Variants in ATG7 observed in about 807,000 individuals in gnomAD.
ATG7 encodes ubiquitin-like modifier-activating enzyme ATG7.
In ATG7, 70 loss-of-function variants were observed where a neutral mutation model predicts 82.4. That is an observed-to-expected ratio of 0.85 (90% CI 0.70 to 1.04). The LOEUF is 1.04. Among genes scored for constraint, ATG7 ranks in the 50% least tolerant of loss-of-function variants. ATG7 has a pLI of 0.00. For synonymous variants in ATG7, 287 were observed against 313.0 expected (o/e 0.92, Z 0.88); for missense variants, 792 against 864.3 (o/e 0.92, Z 1.05).
chr3:11,377,919 G>C (rs2077543720), intron 18 of ATG7, among the ~76,000 whole-genome samples: 1 of 151,854 alleles, frequency 6.6e-6, no homozygotes, highest in Admixed American at 6.6e-5. Context: ...TTATGCCTCA[G>C]GTCATGGATT....
intron 19 of ATG7, among the ~76,000 whole-genome samples, chr3:11,402,184 G>A (rs1387352769): frequency 6.6e-6 from 1 of 152,182 alleles, no homozygotes; most frequent in Non-Finnish European, 1.5e-5. Flanking sequence ...TGTAATCTCA[G>A]CATTTGGGAG....
At chr3:11,311,521 G>A (rs1222675164) in intron 7 of ATG7, among the ~76,000 whole-genome samples, 1 of 151,318 alleles carries the variant, frequency 6.6e-6, no homozygotes, top group African/African-American at 2.4e-5. Flanking sequence ...AGAATTGCTT[G>A]AACCTGGGAG....
chr3:11,364,683 T>C lies in ATG7; in HGVS notation c.1824T>C (p.Ser608=). ...PEGGYAIASS[S]DDRMNEPPTS... ...GGGGCTATGCCATTGCCAGCAGCAG[T>C]GACGATCGGATGAATGAGCCTCCAA... Residue 608 remains serine, a synonymous_variant, in exon 18 of 21, where the codon AGT becomes AGC. Transcript: ENST00000693202. The C allele has an allele frequency of 6.2e-7, 1 of 1,614,204 alleles. No homozygotes were observed. The highest frequency in any genetic ancestry group is 1.1e-5 in the South Asian group (1 of 91,088).
In ATG7 at chr3:11,340,719, T is replaced by C. The variant is rs758171121; in HGVS notation, c.964T>C (p.Cys322Arg). 6 of 1,613,504 alleles carry C rather than the reference T, an allele frequency of 3.7e-6. No individual in the cohort carries two copies. In the South Asian group the frequency reaches 5.5e-5, roughly 15 times the overall value. The change falls in exon 12 of 21, where the codon TGT (cysteine) becomes CGT (arginine). Residue 322 changes from cysteine to arginine, a missense_variant. Physicochemically the swap from Cys to Arg is radical, Grantham distance 180. Coordinates refer to ENST00000693202, the MANE Select transcript of ATG7 (RefSeq NM_001349232.2). ...MGPRMVNLSE[C>R]MDPKRLAESS... ...ACCAAGGATGGTGAACCTCAGTGAA[T>C]GTATGGACCCTAAAAGGTATATTTG...
rs1050605521 is a variant in ATG7 at position 11,555,546 on chromosome 3, G to C, written c.*703G>C. 3 of 152,930 alleles carry C rather than the reference G, an allele frequency of 2.0e-5. No individual in the cohort carries two copies. The highest frequency in any genetic ancestry group is 4.4e-5 in the Non-Finnish European group (3 of 68,788). 9.5% of individuals were successfully genotyped at this position (152,930 alleles called of 1,614,324 possible). On this transcript the variant is annotated 3_prime_UTR_variant, in exon 21 of 21. Coordinates refer to ENST00000693202, the MANE Select transcript of ATG7 (RefSeq NM_001349232.2). Reference sequence around the variant, plus strand: ...GAGTTTCTGCTGCTGCCTTGAGCTGGGGGGAAGAGCCCAGGGGCAGATCCT... The same window carrying C: ...GAGTTTCTGCTGCTGCCTTGAGCTGCGGGGAAGAGCCCAGGGGCAGATCCT...
intron 20 of ATG7, among the ~76,000 whole-genome samples, chr3:11,524,431 G>A (rs1274463006): frequency 2.0e-5 from 3 of 152,152 alleles, no homozygotes; most frequent in African/African-American, 7.2e-5. Context: ...CAGAAAAGCA[G>A]AATTCTAATA....
chr3:11,463,622 T>TGGA (rs77863890), intron 20 of ATG7, among the ~76,000 whole-genome samples: 128,903 of 152,024 alleles, frequency 0.85, 54,829 homozygotes, highest in East Asian at 1. Context: ...TTATCATAGG[T>TGGA]GGAGAGTGTT....
At chr3:11,319,056 A>T (rs1179813232) in intron 9 of ATG7, among the ~76,000 whole-genome samples, 1 of 152,208 alleles carries the variant, frequency 6.6e-6, no homozygotes, top group Non-Finnish European at 1.5e-5. Context: ...CGTCCTCAAC[A>T]TTTAGTGCAA....
the ATG7 span, chr3:11,564,980 C>A: frequency 1.2e-5 from 19 of 1,530,158 alleles, no homozygotes; most frequent in Middle Eastern, 5.2e-4. Context: ...GGCTCCGCTC[C>A]CGGGGGTCTC....
chr3:11,574,157 C>T, the ATG7 span, among the ~76,000 whole-genome samples: 2 of 152,202 alleles, frequency 1.3e-5, no homozygotes, highest in East Asian at 3.8e-4. Context: ...GCCACCCCAT[C>T]TGTGGCCCTG....
rs534814253 is a variant in ATG7, at chr3:11,395,632, G to A, written c.1956+15580G>A. ...AACGCATCCCACAATTTTAAACCCA[G>A]CAGATAATACCGTTCAAGAATGAAA... On this transcript the variant is annotated intron_variant, in intron 19 of 20. Transcript: ENST00000693202. 3.3e-5 allele frequency among the ~76,000 whole-genome samples: 5 copies of A among 152,230 alleles called. 1 individual carries two copies. Among genetic ancestry groups the A allele is most frequent in the African/African-American group, 1.2e-4 (5 of 41,546 alleles).
intron 20 of ATG7, among the ~76,000 whole-genome samples, chr3:11,498,114 C>A (rs758089485): frequency 6.6e-6 from 1 of 152,178 alleles, no homozygotes; most frequent in Non-Finnish European, 1.5e-5. Context: ...ATCCAGTATT[C>A]TTCCTCCTAT....
chr3:11,385,871 C>G (rs1323373722), intron 19 of ATG7, among the ~76,000 whole-genome samples: 1 of 152,226 alleles, frequency 6.6e-6, no homozygotes, highest in Admixed American at 6.5e-5. Context: ...ACCCAATTTT[C>G]TACAAATCGT....
chr3:11,511,454 G>A (rs2092050642), intron 20 of ATG7, among the ~76,000 whole-genome samples: 4 of 152,230 alleles, frequency 2.6e-5, no homozygotes, highest in Admixed American at 2.6e-4. Context: ...ACAGGGTGCT[G>A]ATTGGTGTAT....
intron 19 of ATG7, among the ~76,000 whole-genome samples, chr3:11,406,748 G>C (rs960551519): frequency 6.6e-6 from 1 of 152,186 alleles, no homozygotes; most frequent in Non-Finnish European, 1.5e-5. Context: ...AGCTTGTGCA[G>C]AGAAACTCCC....
chr3:11,379,270 C>T (rs1197535539), intron 18 of ATG7, among the ~76,000 whole-genome samples: 1 of 152,118 alleles, frequency 6.6e-6, no homozygotes, highest in Non-Finnish European at 1.5e-5. Context: ...TATAGAACAG[C>T]TTAAAGCTCC....
At chr3:11,485,191 C>T (rs2089481095) in intron 20 of ATG7, among the ~76,000 whole-genome samples, 1 of 152,188 alleles carries the variant, frequency 6.6e-6, no homozygotes, top group East Asian at 1.9e-4. Flanking sequence ...TTCTCCACAT[C>T]CTCTCCAGCA....
intron 9 of ATG7, among the ~76,000 whole-genome samples, chr3:11,316,411 G>T (rs1484728470): frequency 6.6e-6 from 1 of 151,988 alleles, no homozygotes; most frequent in African/African-American, 2.4e-5. Context: ...TCCTCGTGTT[G>T]TATCATCTTC....
intron 13 of ATG7, 135 bp downstream of exon 13, chr3:11,342,414 T>C: frequency 8.3e-7 from 1 of 1,204,162 alleles, no homozygotes; most frequent in Middle Eastern, 2.8e-4. Flanking sequence ...TTCCTTTTCT[T>C]ATCTTTTTAA....
Sources: gnomAD v4.1 joint callset for allele counts (sites outside exome capture counted in the v4.1 genomes callset) on GRCh38, gnomAD v4.1.1 for gene constraint, MANE v1.5 for transcripts, NCBI Gene and HGNC (gene_info 2026-07-23, HGNC 2026-07-21) for gene names.